PCLAF: variants seen among roughly 807,000 people sequenced by gnomAD.
PCLAF encodes the protein PCNA-associated factor.
A neutral mutation model predicts 15.1 loss-of-function variants in PCLAF; 12 were observed. That is an observed-to-expected ratio of 0.79 (90% CI 0.51 to 1.29). The LOEUF (loss-of-function observed/expected upper bound fraction) is 1.29, where lower values mean the gene tolerates loss of function less well. Among genes scored for constraint, PCLAF ranks in the 50% most tolerant of loss-of-function variants. The pLI, the probability that PCLAF is intolerant of heterozygous loss-of-function variation, is 0.00. For synonymous variants in PCLAF, 33 were observed against 47.1 expected, an observed-to-expected ratio of 0.70 and a Z score of 1.22; for missense variants, 116 against 130.9, an observed-to-expected ratio of 0.89 and a Z score of 0.56.
chr15:64,378,421 T>C (rs1899702794), intron 2 of PCLAF, among the ~76,000 whole-genome samples: 1 of 152,166 alleles, frequency 6.6e-6, no homozygotes, highest in Non-Finnish European at 1.5e-5. Flanking sequence ...TGAAGTTATA[T>C]TGTTTCTACT....
intron 2 of PCLAF, among the ~76,000 whole-genome samples, 161 bp from the exon 3 acceptor site, chr15:64,377,066 C>T (rs1899624005): frequency 6.6e-6 from 1 of 152,012 alleles, no homozygotes; most frequent in African/African-American, 2.4e-5. Context: ...CACAATAAAG[C>T]TGTATTCCAC....
intron 2 of PCLAF, among the ~76,000 whole-genome samples, chr15:64,380,702 T>TA (rs1308765341): frequency 6.6e-6 from 1 of 151,910 alleles, no homozygotes; most frequent in Non-Finnish European, 1.5e-5. Context: ...AGGCCCTGTC[T>TA]AAAAAAAGAA....
At chr15:64,366,173 T>A (rs1899022160) in intron 3 of PCLAF, 98 bp from the exon 4 acceptor site, 1 of 797,814 alleles carries the variant, frequency 1.3e-6, no homozygotes, top group African/African-American at 1.8e-5. Context: ...TAATTAACAG[T>A]GCAGTAGATC....
At chr15:64,380,868 G>C in intron 2 of PCLAF, 90 bp downstream of exon 2, 1 of 1,100,388 alleles carries the variant, frequency 9.1e-7, no homozygotes, top group Non-Finnish European at 1.3e-6. Context: ...AAATTCGGGC[G>C]TGAGTACCTC....
At chr15:64,386,340 T>C (rs1478282805), upstream of PCLAF, among the ~76,000 whole-genome samples, 2 of 152,130 alleles carry the variant, frequency 1.3e-5, no homozygotes, top group Non-Finnish European at 2.9e-5. Flanking sequence ...TTTGTTTTTG[T>C]AAAAAGGCCT....
upstream of PCLAF, among the ~76,000 whole-genome samples, chr15:64,385,062 G>A (rs752060306): frequency 6.6e-6 from 1 of 151,452 alleles, no homozygotes; most frequent in Non-Finnish European, 1.5e-5. Context: ...TAATTTTTAG[G>A]TTTTTTTTGT....
At chr15:64,370,164 G>A (rs891973327) in intron 3 of PCLAF, among the ~76,000 whole-genome samples, 5 of 149,754 alleles carry the variant, frequency 3.3e-5, no homozygotes, top group South Asian at 4.2e-4. Context: ...CTGCAGCCTC[G>A]AATGCCTGGG....
Position 64,365,759 on chromosome 15 carries a change from G to A in PCLAF, c.*271C>T, listed in dbSNP as rs1899005875. ...AACATACTTGTAATTAGAACACAAT[G>A]CAATGACTTGATTTTAGCAAGAACT... is the stretch of plus-strand genomic sequence containing the variant. On this transcript the variant is annotated 3_prime_UTR_variant, in exon 4 of 4. Transcript: ENST00000300035. 1 of 412,268 alleles carries A rather than the reference G, an allele frequency of 2.4e-6. No individual in the cohort carries two copies. Among genetic ancestry groups the A allele is most frequent in the South Asian group, 2.9e-5 (1 of 34,872 alleles). The allele number at this position is 412,268 out of a possible 1,614,324, so 25.5% of individuals were successfully genotyped here.
At chr15:64,373,571 G>A in intron 3 of PCLAF, 2 of 1,427,452 alleles carry the variant, frequency 1.4e-6, no homozygotes, top group Non-Finnish European at 1.8e-6. Context: ...ACTGTTGGAG[G>A]GCTTTGTGGT....
At chr15:64,387,647 T>G (rs1596330907) in exon 1 of PCLAF, 1 of 1,411,958 alleles carries the variant, frequency 7.1e-7, no homozygotes, top group South Asian at 1.5e-5. Flanking sequence ...AATCATGCAC[T>G]GACAGAGCTC....
At chr15:64,374,316 C>G (rs891031101) in intron 3 of PCLAF, among the ~76,000 whole-genome samples, 5 of 149,398 alleles carry the variant, frequency 3.3e-5, no homozygotes, top group Non-Finnish European at 7.4e-5. Flanking sequence ...CCGAGGCGGG[C>G]AGATCATGAG....
intron 3 of PCLAF, among the ~76,000 whole-genome samples, chr15:64,367,490 C>A (rs1596319597): frequency 7.2e-6 from 1 of 137,950 alleles, no homozygotes; most frequent in African/African-American, 2.7e-5. Context: ...GCAACAAGAG[C>A]AAAACTCTGT....
At position 64,381,352 on chromosome 15, in the gene PCLAF, T is replaced by C. The variant is rs1184420936; in HGVS notation, c.20A>G (p.Asp7Gly). ...TTTTCTGTAAGTGCCTGGAACACTGTCTGCTTTAGTCCGCACCATGTTCAA... is the reference window on the plus strand; with the variant it reads ...TTTTCTGTAAGTGCCTGGAACACTGCCTGCTTTAGTCCGCACCATGTTCAA... Reference protein sequence around the residue: MVRTKADSVPGTYRKVV... With the variant: MVRTKAGSVPGTYRKVV... The change falls in exon 1 of 4, where the codon GAC becomes GGC. Residue 7 changes from aspartate to glycine, a missense_variant. Asp to Gly is a moderately conservative substitution (Grantham distance 94). Coordinates refer to ENST00000300035, the MANE Select transcript of PCLAF (RefSeq NM_014736.6). 4.3e-6 allele frequency: 7 copies of C among 1,614,066 alleles called. No individual in the cohort carries two copies. The highest frequency in any genetic ancestry group is 5.9e-6 in the Non-Finnish European group (7 of 1,180,026).
chr15:64,376,866 C>T lies in PCLAF; in HGVS notation c.167G>A (p.Arg56His), dbSNP rs1228885660. The T allele has an allele frequency of 5.0e-6, 8 of 1,613,796 alleles. No homozygotes were observed. Among genetic ancestry groups the T allele is most frequent in the East Asian group, 2.2e-5 (1 of 44,880 alleles). Residue 56 changes from arginine (R) to histidine (H), a missense_variant, in exon 3 of 4, where the codon CGC becomes CAC. Transcript: ENST00000300035. The part of the protein sequence containing the change: ...KYAGGNPVCV[R>H]PTPKWQKGIG... ...TCCTTTTTGCCACTTGGGAGTTGGG[C>T]GCACGCAAACGGGGTTCCCTCCTGC...
chr15:64,365,814 C>T lies in PCLAF; in HGVS notation c.*216G>A, dbSNP rs1242277749. On this transcript the variant is annotated 3_prime_UTR_variant, in exon 4 of 4. Transcript: ENST00000300035. ...ACTTAATTTGGTAAAAGAAACCAAA[C>T]AATGCATTATATTGAATACTAAGCT... The T allele has an allele frequency of 5.7e-6, 3 of 522,934 alleles. No individual in the cohort carries two copies. The highest frequency in any genetic ancestry group is 1.0e-5 in the Non-Finnish European group (3 of 299,364). 32.4% of individuals were successfully genotyped at this position (522,934 alleles called of 1,614,324 possible). A position where few individuals can be genotyped will look rare whatever the true frequency, so the allele number is the denominator to read the frequency against.
intron 1 of PCLAF, among the ~76,000 whole-genome samples, chr15:64,387,184 A>T (rs1015880833): frequency 1.3e-5 from 2 of 152,004 alleles, no homozygotes; most frequent in African/African-American, 4.8e-5. Flanking sequence ...TAAACACTCC[A>T]TCCCGGTTAA....
At chr15:64,371,650 C>A (rs901680897) in intron 3 of PCLAF, among the ~76,000 whole-genome samples, 38 of 152,114 alleles carry the variant, frequency 2.5e-4, no homozygotes, top group Non-Finnish European at 5.6e-4. Context: ...GTCACCCAGG[C>A]AGGAGTGCAG....
At chr15:64,374,811 A>G (rs1899533262) in intron 3 of PCLAF, among the ~76,000 whole-genome samples, 1 of 150,492 alleles carries the variant, frequency 6.6e-6, no homozygotes, top group African/African-American at 2.4e-5. Context: ...GGGCCACTGC[A>G]TTACAGCCTG....
chr15:64,369,596 C>A (rs1275128438), intron 3 of PCLAF, among the ~76,000 whole-genome samples: 1 of 152,050 alleles, frequency 6.6e-6, no homozygotes. Flanking sequence ...CACTTTGTTG[C>A]CCAGGCTGAA....
Sources: gnomAD v4.1 joint callset for allele counts (sites outside exome capture counted in the v4.1 genomes callset) on GRCh38, gnomAD v4.1.1 for gene constraint, MANE v1.5 for transcripts, NCBI Gene and HGNC (gene_info 2026-07-23, HGNC 2026-07-21) for gene names.